LPAR3: variants seen among roughly 807,000 people sequenced by gnomAD.
LPAR3 encodes the protein LPA receptor 3.
In LPAR3, 7 loss-of-function variants were observed where a neutral mutation model predicts 17.8. The observed-to-expected ratio is 0.39, with a 90% CI of 0.22 to 0.74. LPAR3 has a LOEUF of 0.74. LPAR3 is among the 30% of genes least tolerant of loss of function. LPAR3 has a pLI of 0.40. For synonymous variants in LPAR3, 179 were observed against 179.9 expected, an observed-to-expected ratio of 0.99 and a Z score of 0.04; for missense variants, 391 against 453.4, an observed-to-expected ratio of 0.86 and a Z score of 1.25.
intron 2 of LPAR3, among the ~76,000 whole-genome samples, chr1:84,823,548 G>A (rs1659097131): frequency 1.3e-5 from 2 of 152,100 alleles, no homozygotes; most frequent in South Asian, 4.1e-4. Context: ...TTAGATACTT[G>A]TTTTAAACTT....
chr1:84,843,685 C>A (rs571313709), intron 2 of LPAR3, among the ~76,000 whole-genome samples: 2 of 152,354 alleles, frequency 1.3e-5, no homozygotes, highest in Admixed American at 6.5e-5. Context: ...CTAAAGAGAT[C>A]TAAGTGCTTC....
Position 84,865,384 on chromosome 1 carries a change from C to T in LPAR3, c.736+1G>A. ...TGGCTTGCTTGGGTCCTCTTACCTA[C>T]CTAAGACAGTCATCACCGTCTTCAT... On this transcript the variant is annotated splice_donor_variant, in intron 2 of 2. Transcript: ENST00000370611. LOFTEE classifies it high-confidence loss of function. 1 of 1,607,870 alleles carries T rather than the reference C, an allele frequency of 6.2e-7. No individual in the cohort carries two copies.
chr1:84,852,964 T>TA (rs1370360432), intron 2 of LPAR3, among the ~76,000 whole-genome samples: 6 of 150,948 alleles, frequency 4.0e-5, no homozygotes, highest in East Asian at 1.9e-4. Flanking sequence ...TAAACAAGAG[T>TA]AAAAAAATCA....
Position 84,813,158 on chromosome 1 carries a change from T to TATATATAGAGAGAGAGAGAG in LPAR3, c.*687_*688insCTCTCTCTCTCTCTATATAT, listed in dbSNP as rs1206774677. 2.6e-4 allele frequency: 26 copies of TATATATAGAGAGAGAGAGAG among 101,690 alleles called. No homozygotes were observed. Among genetic ancestry groups the TATATATAGAGAGAGAGAGAG allele is most frequent in the Middle Eastern group, 6.2e-3 (1 of 162 alleles). The allele number at this position is 101,690 out of a possible 1,614,324, so 6.3% of individuals were successfully genotyped here. The stretch of plus-strand genomic sequence containing the variant: ...ATATATATATATATATATATATATA[T>TATATATAGAGAGAGAGAGAG]AGACACACACACACACACACACACA... On this transcript the variant is annotated 3_prime_UTR_variant, in exon 3 of 3. Coordinates refer to ENST00000370611, the MANE Select transcript of LPAR3 (RefSeq NM_012152.3).
chr1:84,827,418 G>A, intron 2 of LPAR3, among the ~76,000 whole-genome samples: 1 of 151,950 alleles, frequency 6.6e-6, no homozygotes, highest in Non-Finnish European at 1.5e-5. Flanking sequence ...AGAGGATGAA[G>A]GTCAATGACT....
intron 2 of LPAR3, among the ~76,000 whole-genome samples, chr1:84,841,813 T>A (rs111488520): frequency 2.6e-5 from 4 of 152,114 alleles, no homozygotes; most frequent in African/African-American, 4.8e-5. Flanking sequence ...TGCTCATAAG[T>A]CCTTCCCTGG....
intron 2 of LPAR3, among the ~76,000 whole-genome samples, chr1:84,837,211 C>A (rs190577974): frequency 3.3e-5 from 5 of 152,172 alleles, no homozygotes; most frequent in Admixed American, 1.3e-4. Flanking sequence ...TTAGTAGAGA[C>A]AGGGTTTCAC....
At chr1:84,858,211 G>T (rs1659864613) in intron 2 of LPAR3, among the ~76,000 whole-genome samples, 1 of 152,134 alleles carries the variant, frequency 6.6e-6, no homozygotes, top group Admixed American at 6.6e-5. Flanking sequence ...GCCGGGCATG[G>T]TGGTTCATGC....
At chr1:84,838,693 C>A (rs575959475) in intron 2 of LPAR3, among the ~76,000 whole-genome samples, 1 of 152,242 alleles carries the variant, frequency 6.6e-6, no homozygotes, top group Non-Finnish European at 1.5e-5. Context: ...TGTGGTCAAT[C>A]GTCTTTATAT....
chr1:84,874,059 G>C (rs1386882898), intron 1 of LPAR3, among the ~76,000 whole-genome samples: 2 of 152,128 alleles, frequency 1.3e-5, no homozygotes, highest in African/African-American at 4.8e-5. Context: ...AGCCTCTTTA[G>C]AACAAATCTT....
chr1:84,842,553 T>C (rs147018934), intron 2 of LPAR3, among the ~76,000 whole-genome samples: 1 of 152,330 alleles, frequency 6.6e-6, no homozygotes, highest in Admixed American at 6.5e-5. Flanking sequence ...GTAGATTAGT[T>C]TTCATTTTGA....
chr1:84,821,247 G>A (rs1200842066), intron 2 of LPAR3, among the ~76,000 whole-genome samples: 1 of 151,492 alleles, frequency 6.6e-6, no homozygotes, highest in Non-Finnish European at 1.5e-5. Flanking sequence ...GAGGAGAGGG[G>A]GTGTTAACTA....
chr1:84,859,046 G>T (rs1659884238), intron 2 of LPAR3, among the ~76,000 whole-genome samples: 1 of 152,206 alleles, frequency 6.6e-6, no homozygotes, highest in African/African-American at 2.4e-5. Flanking sequence ...ATTCATTATA[G>T]CTTGAGTATA....
At chr1:84,815,466 T>A (rs1341962864) in intron 2 of LPAR3, among the ~76,000 whole-genome samples, 1 of 152,148 alleles carries the variant, frequency 6.6e-6, no homozygotes, top group Non-Finnish European at 1.5e-5. Context: ...CACCAACTAC[T>A]CTACTTGTTA....
At chr1:84,869,780 A>T (rs945279198) in intron 1 of LPAR3, among the ~76,000 whole-genome samples, 9 of 152,214 alleles carry the variant, frequency 5.9e-5, no homozygotes, top group Non-Finnish European at 1.0e-4. Context: ...GGCTTTGAAA[A>T]ATCAAAATTA....
chr1:84,865,624 C>T lies in LPAR3; in HGVS notation c.497G>A (p.Gly166Asp). ...AIFMGAVPTLGWNCLCNISAC... is the reference protein window; with the variant it reads ...AIFMGAVPTLDWNCLCNISAC... ...AGAGATGTTGCAGAGGCAATTCCAG[C>T]CCAGTGTGGGGACCGCCCCCATAAA... is the stretch of plus-strand genomic sequence containing the variant. The change falls in exon 2 of 3, where the codon GGC becomes GAC. Residue 166 changes from glycine (G) to aspartate (D), a missense_variant. By Grantham distance (94) the Gly-to-Asp change is moderately conservative (BLOSUM62 -1). Coordinates refer to ENST00000370611, the MANE Select transcript of LPAR3 (RefSeq NM_012152.3). 6.2e-7 allele frequency: 1 copy of T among 1,614,196 alleles called. No homozygotes were observed. Among genetic ancestry groups the T allele is most frequent in the South Asian group, 1.1e-5 (1 of 91,084 alleles).
At chr1:84,847,876 T>C (rs906201139) in intron 2 of LPAR3, among the ~76,000 whole-genome samples, 11 of 152,214 alleles carry the variant, frequency 7.2e-5, no homozygotes, top group Admixed American at 6.5e-4. Flanking sequence ...AAGCACCTGA[T>C]TGCTAAAGGA....
chr1:84,865,820 G>T lies in LPAR3; in HGVS notation c.301C>A (p.Arg101Ser), dbSNP rs367984690. Residue 101 changes from arginine to serine, a missense_variant, in exon 2 of 3, where the codon CGC becomes AGC. Arg to Ser is a moderately radical substitution (Grantham distance 110, BLOSUM62 -1). Transcript: ENST00000370611. Reference sequence around the variant, plus strand: ...AGAAGCCCCTGACGGAGAAACCAGCGGTTGACAGTCAAAGTTTTTGAAACT... The same window carrying T: ...AGAAGCCCCTGACGGAGAAACCAGCTGTTGACAGTCAAAGTTTTTGAAACT... Reference protein sequence around the residue: ...GPVSKTLTVNRWFLRQGLLDS... With the variant: ...GPVSKTLTVNSWFLRQGLLDS... 3.1e-6 allele frequency: 5 copies of T among 1,614,030 alleles called. No homozygotes were observed. The highest frequency in any genetic ancestry group is 4.2e-6 in the Non-Finnish European group (5 of 1,180,042).
chr1:84,877,720 A>G (rs1359724485), intron 1 of LPAR3, among the ~76,000 whole-genome samples: 1 of 152,138 alleles, frequency 6.6e-6, no homozygotes, highest in Non-Finnish European at 1.5e-5. Flanking sequence ...CTCAGTCAGG[A>G]GGTGGGGTGG....
Sources: gnomAD v4.1 joint callset for allele counts (sites outside exome capture counted in the v4.1 genomes callset) on GRCh38, gnomAD v4.1.1 for gene constraint, MANE v1.5 for transcripts, NCBI Gene and HGNC (gene_info 2026-07-23, HGNC 2026-07-21) for gene names.